The following TGFBR2 variants were observed in gnomAD, a reference collection of about 807,000 sequenced individuals.
TGFBR2 encodes the protein transforming growth factor beta receptor 2.
Under a neutral mutation model 49.0 loss-of-function variants are expected in TGFBR2, and 18 were observed. The observed-to-expected ratio is 0.37, with a 90% CI of 0.25 to 0.54. The LOEUF (loss-of-function observed/expected upper bound fraction) is 0.54, where lower values mean the gene tolerates loss of function less well. Among genes scored for constraint, TGFBR2 ranks in the 20% least tolerant of loss-of-function variants. TGFBR2 has a pLI of 0.85. For missense variants in TGFBR2, 525 were observed against 722.6 expected (o/e 0.73, Z 3.13); for synonymous variants, 282 against 275.9 (o/e 1.02, Z -0.22).
chr3:30,685,232 C>T (rs1699600891), intron 5 of TGFBR2, among the ~76,000 whole-genome samples: 1 of 152,204 alleles, frequency 6.6e-6, no homozygotes, highest in African/African-American at 2.4e-5. Context: ...AAAGGAGTTT[C>T]ATCAGAGTAA....
Position 30,676,162 on chromosome 3 carries a change from A to AG in TGFBR2, c.1396+1921dup, listed in dbSNP as rs1699434724. On this transcript the variant is annotated intron_variant, in intron 5 of 6. Transcript: ENST00000295754. The surrounding 1 kb of genome is among the most constrained non-coding windows in gnomAD (Gnocchi z 4.3). The stretch of plus-strand genomic sequence containing the variant: ...GTGCCTATCTTCAGTGCGTCATATC[A>AG]GGGGGAATAAGATGTCCATGTGTCT... 6.6e-6 allele frequency among the ~76,000 whole-genome samples: 1 copy of AG among 152,230 alleles called. No homozygotes were observed. The highest frequency in any genetic ancestry group is 1.9e-4 in the East Asian group (1 of 5,204).
At chr3:30,618,501 G>T (rs549222824) in intron 1 of TGFBR2, among the ~76,000 whole-genome samples, 2 of 151,396 alleles carry the variant, frequency 1.3e-5, no homozygotes, top group South Asian at 4.2e-4. Flanking sequence ...CTCCCAAAGT[G>T]CTGGGATTAC....
At chr3:30,609,315 T>G (rs1482112822) in intron 1 of TGFBR2, among the ~76,000 whole-genome samples, 2 of 152,212 alleles carry the variant, frequency 1.3e-5, no homozygotes, top group Non-Finnish European at 2.9e-5. Flanking sequence ...TTTCAGAATT[T>G]CTCTAACGTA....
At chr3:30,661,153 A>C (rs1239420833) in intron 3 of TGFBR2, among the ~76,000 whole-genome samples, 1 of 152,224 alleles carries the variant, frequency 6.6e-6, no homozygotes, top group Non-Finnish European at 1.5e-5. Context: ...TCAGACAGCC[A>C]GCCAGAAAAA....
At chr3:30,685,675 G>T (rs1280085455) in intron 5 of TGFBR2, among the ~76,000 whole-genome samples, 2 of 152,082 alleles carry the variant, frequency 1.3e-5, no homozygotes, top group Non-Finnish European at 2.9e-5. Flanking sequence ...TCGGCTATAC[G>T]CTGCCTCTGA....
chr3:30,628,816 C>T (rs1698384930), intron 1 of TGFBR2, among the ~76,000 whole-genome samples: 1 of 152,066 alleles, frequency 6.6e-6, no homozygotes, highest in South Asian at 2.1e-4. Context: ...ACTTCTGAGA[C>T]CTTTTGCTGC....
rs184621996 is a variant in TGFBR2, at chr3:30,664,839, A to G, written c.455-6799A>G. On this transcript the variant is annotated intron_variant, in intron 3 of 6. Transcript: ENST00000295754. ...GCATTAAATTAAGGCCAACTTGGTAAATAAAATCCTATGTGGATCAGTTAA... is the reference window on the plus strand; with the variant it reads ...GCATTAAATTAAGGCCAACTTGGTAGATAAAATCCTATGTGGATCAGTTAA... Among the ~76,000 whole-genome samples the G allele has an allele frequency of 2.4e-3, 368 of 152,400 alleles. 1 individual carries two copies. The highest frequency in any genetic ancestry group is 0.014 in the Middle Eastern group (4 of 294).
At chr3:30,633,329 GATC>G (rs1262346982) in intron 1 of TGFBR2, among the ~76,000 whole-genome samples, 1 of 152,158 alleles carries the variant, frequency 6.6e-6, no homozygotes. Context: ...GATAAATCAT[GATC>G]ATGGTAATAA....
chr3:30,648,460 A>ACACC lies in TGFBR2; in HGVS notation c.264-1808_264-1807insCCCA, dbSNP rs1553627538. On this transcript the variant is annotated intron_variant, in intron 2 of 6. Coordinates refer to ENST00000295754, the MANE Select transcript of TGFBR2 (RefSeq NM_003242.6). ...CACACACACACACACACACACACAC[A>ACACC]CAAAACTGTGGGGGCAGGGAGGAAG... is the stretch of plus-strand genomic sequence containing the variant. 8.2e-3 allele frequency among the ~76,000 whole-genome samples: 1,172 copies of ACACC among 142,472 alleles called. 27 individuals carry two copies. Among genetic ancestry groups the ACACC allele is most frequent in the African/African-American group, 0.022 (822 of 38,206 alleles). The allele number at this position is 142,472 out of a possible 152,430, so 93.5% of individuals were successfully genotyped here.
intron 1 of TGFBR2, among the ~76,000 whole-genome samples, chr3:30,616,519 C>T (rs1698136772): frequency 1.3e-5 from 2 of 152,118 alleles, no homozygotes; most frequent in Non-Finnish European, 1.5e-5. Context: ...GTCTGGGTGA[C>T]CAGGCTGTCT....
chr3:30,644,294 C>T (rs1203935812), intron 1 of TGFBR2, among the ~76,000 whole-genome samples: 5 of 152,136 alleles, frequency 3.3e-5, no homozygotes, highest in Admixed American at 1.3e-4. Context: ...CGGTGATGCT[C>T]GCCTGGCTCC....
At chr3:30,647,334 A>G (rs1182888621) in intron 2 of TGFBR2, among the ~76,000 whole-genome samples, 4 of 152,204 alleles carry the variant, frequency 2.6e-5, no homozygotes, top group Non-Finnish European at 5.9e-5. Context: ...TGCAACCTGC[A>G]TTATAGTTTA....
At chr3:30,616,952 G>A (rs1021096002) in intron 1 of TGFBR2, among the ~76,000 whole-genome samples, 28 of 152,008 alleles carry the variant, frequency 1.8e-4, no homozygotes, top group Admixed American at 1.2e-3. Context: ...GTTAATTATG[G>A]TATTTTCATT....
intron 5 of TGFBR2, among the ~76,000 whole-genome samples, chr3:30,681,162 A>G (rs1207389006): frequency 1.5e-4 from 21 of 144,612 alleles, no homozygotes; most frequent in African/African-American, 4.1e-4. Context: ...TGTGAGATGA[A>G]AAAAAAAAAA....
chr3:30,659,598 GT>G (rs1256235648), intron 3 of TGFBR2, among the ~76,000 whole-genome samples: 1 of 151,170 alleles, frequency 6.6e-6, no homozygotes, highest in Non-Finnish European at 1.5e-5. Context: ...GTGCTTTCTG[GT>G]TGTGAATATT....
intron 1 of TGFBR2, among the ~76,000 whole-genome samples, chr3:30,644,069 C>G (rs1195396821): frequency 6.6e-6 from 1 of 152,122 alleles, no homozygotes. Flanking sequence ...GGGATTGTGT[C>G]TAGGAGGCAC....
chr3:30,637,637 G>C (rs1268529412), intron 1 of TGFBR2, among the ~76,000 whole-genome samples: 1 of 152,204 alleles, frequency 6.6e-6, no homozygotes, highest in African/African-American at 2.4e-5. Context: ...TCTCTACCTT[G>C]CTTATTTTCT....
intron 5 of TGFBR2, among the ~76,000 whole-genome samples, chr3:30,682,355 C>T (rs1333819210): frequency 6.6e-6 from 1 of 152,208 alleles, no homozygotes; most frequent in African/African-American, 2.4e-5. Context: ...ATATTGTTAG[C>T]TCTTCCACTT....
Position 30,641,455 on chromosome 3 carries a change from T to C in TGFBR2, c.95-3292T>C, listed in dbSNP as rs13093591. Among the ~76,000 whole-genome samples, 44,149 of 151,504 alleles carry C rather than the reference T, an allele frequency of 0.29. 7,462 individuals are homozygous for C. Among genetic ancestry groups the C allele is most frequent in the East Asian group, 0.68 (3,503 of 5,122 alleles). ...TACCTGGAATTGTTAAGGTGGGGAG[T>C]CTCCTAGGGTCAACTAATAGGGAGT... On this transcript the variant is annotated intron_variant, in intron 1 of 6. Coordinates refer to ENST00000295754, the MANE Select transcript of TGFBR2 (RefSeq NM_003242.6).
Sources: gnomAD v4.1 joint callset for allele counts (sites outside exome capture counted in the v4.1 genomes callset) on GRCh38, gnomAD v4.1.1 for gene constraint, Gnocchi (gnomAD v3.1) non-coding constraint, MANE v1.5 for transcripts, NCBI Gene and HGNC (gene_info 2026-07-23, HGNC 2026-07-21) for gene names.